The following NKAIN2 variants were observed in gnomAD, a reference collection of about 807,000 sequenced individuals.
The protein encoded by NKAIN2 is sodium/potassium transporting ATPase interacting 2.
In NKAIN2, 14 loss-of-function variants were observed where a neutral mutation model predicts 32.6. The observed-to-expected ratio is 0.43, with a 90% CI of 0.28 to 0.67. The LOEUF (loss-of-function observed/expected upper bound fraction) is 0.67, where lower values mean the gene tolerates loss of function less well. Ranked by LOEUF, NKAIN2 falls within the 30% of genes least tolerant of loss-of-function variation. The probability of loss-of-function intolerance (pLI) is 0.17; values close to 1 mark genes in which losing one functional copy is unlikely to be tolerated. For missense variants in NKAIN2, 198 were observed against 258.3 expected (o/e 0.77, Z 1.60); for synonymous variants, 80 against 87.2 (o/e 0.92, Z 0.46).
intron 1 of NKAIN2, among the ~76,000 whole-genome samples, chr6:124,090,862 G>C (rs758610141): frequency 1.3e-5 from 2 of 151,922 alleles, no homozygotes; most frequent in African/African-American, 4.8e-5. Flanking sequence ...CAATCCCATG[G>C]AGTTATTTGA....
At chr6:124,811,886 A>T (rs1236230565) in intron 5 of NKAIN2, among the ~76,000 whole-genome samples, 2 of 152,144 alleles carry the variant, frequency 1.3e-5, no homozygotes, top group African/African-American at 4.8e-5. Context: ...TAAAAAAAAA[A>T]TCCTGAGTTG....
chr6:124,307,273 T>G (rs983495082), intron 2 of NKAIN2, among the ~76,000 whole-genome samples: 1 of 152,200 alleles, frequency 6.6e-6, no homozygotes, highest in African/African-American at 2.4e-5. Flanking sequence ...ACTAGTAAAA[T>G]GTTCTGGCTA....
intron 4 of NKAIN2, among the ~76,000 whole-genome samples, chr6:124,661,995 A>T (rs1354364587): frequency 6.6e-6 from 1 of 152,206 alleles, no homozygotes; most frequent in Non-Finnish European, 1.5e-5. Context: ...AGAATAGGTT[A>T]AAAGCTCTTC....
intron 1 of NKAIN2, among the ~76,000 whole-genome samples, chr6:124,245,528 A>G (rs935181902): frequency 3.9e-5 from 6 of 152,094 alleles, no homozygotes; most frequent in Non-Finnish European, 1.5e-5. Flanking sequence ...AATGTTGATT[A>G]CTCTTCAGCT....
intron 6 of NKAIN2, among the ~76,000 whole-genome samples, chr6:124,818,752 G>A (rs978853616): frequency 6.6e-6 from 1 of 151,862 alleles, no homozygotes; most frequent in African/African-American, 2.4e-5. Context: ...TCTTTGAGTT[G>A]CCAAAAAGTT....
intron 4 of NKAIN2, among the ~76,000 whole-genome samples, chr6:124,671,917 C>G (rs1254691659): frequency 6.6e-6 from 1 of 151,778 alleles, no homozygotes; most frequent in Non-Finnish European, 1.5e-5. Context: ...TGAGGTCATT[C>G]TAAGTACAGA....
At chr6:124,633,041 G>A (rs1201451111) in intron 3 of NKAIN2, among the ~76,000 whole-genome samples, 1 of 152,092 alleles carries the variant, frequency 6.6e-6, no homozygotes, top group Non-Finnish European at 1.5e-5. Flanking sequence ...TGTGAATTAT[G>A]TGCCCACCAT....
At chr6:124,594,139 A>G (rs1782003152) in intron 3 of NKAIN2, among the ~76,000 whole-genome samples, 1 of 152,256 alleles carries the variant, frequency 6.6e-6, no homozygotes, top group African/African-American at 2.4e-5. Flanking sequence ...ACATCCATTT[A>G]GAGATACAGA....
At chr6:124,463,341 G>A (rs1323582025) in intron 3 of NKAIN2, among the ~76,000 whole-genome samples, 3 of 152,000 alleles carry the variant, frequency 2.0e-5, no homozygotes, top group Non-Finnish European at 4.4e-5. Flanking sequence ...ACATATGCAC[G>A]TTTTACTGTA....
chr6:124,613,692 A>G (rs1273524062), intron 3 of NKAIN2, among the ~76,000 whole-genome samples: 2 of 152,180 alleles, frequency 1.3e-5, no homozygotes, highest in Non-Finnish European at 2.9e-5. Flanking sequence ...AGCGCTACCT[A>G]GTGAGTTCTT....
chr6:123,950,441 G>A (rs564993045), intron 1 of NKAIN2, among the ~76,000 whole-genome samples: 1 of 152,002 alleles, frequency 6.6e-6, no homozygotes, highest in Admixed American at 6.6e-5. Flanking sequence ...ACTTTTATTT[G>A]TGGGAAGTTT....
rs1751262604 is a variant in NKAIN2 at position 124,824,271 on chromosome 6, TG to T, written c.*1043del. On this transcript the variant is annotated 3_prime_UTR_variant, in exon 7 of 7. Coordinates refer to ENST00000368417, the MANE Select transcript of NKAIN2 (RefSeq NM_001040214.3). ...AGGCCAACTGAATATGTATTAGCTA[TG>T]TTTACTCTTTTATATCTAATTCAAA... 6.6e-6 allele frequency: 1 copy of T among 152,668 alleles called. No individual in the cohort carries two copies. Among genetic ancestry groups the T allele is most frequent in the Non-Finnish European group, 1.5e-5 (1 of 68,032 alleles). The allele number at this position is 152,668 out of a possible 1,614,324, so 9.5% of individuals were successfully genotyped here.
chr6:123,888,369 C>A (rs993261705), intron 1 of NKAIN2, among the ~76,000 whole-genome samples: 1 of 152,030 alleles, frequency 6.6e-6, no homozygotes, highest in African/African-American at 2.4e-5. Flanking sequence ...TTTACTTGGG[C>A]CTCTTTTGAA....
At chr6:124,176,383 T>C (rs190923604) in intron 1 of NKAIN2, among the ~76,000 whole-genome samples, 1 of 152,296 alleles carries the variant, frequency 6.6e-6, no homozygotes, top group East Asian at 1.9e-4. Flanking sequence ...CTACTGGTTA[T>C]ATTTTGAATT....
intron 3 of NKAIN2, among the ~76,000 whole-genome samples, chr6:124,581,873 C>A (rs1382722230): frequency 6.6e-6 from 1 of 152,022 alleles, no homozygotes; most frequent in East Asian, 1.9e-4. Context: ...GAAAGCAGTA[C>A]TAAGAGGAAA....
At chr6:124,335,653 A>G (rs1797831724) in intron 2 of NKAIN2, among the ~76,000 whole-genome samples, 1 of 152,192 alleles carries the variant, frequency 6.6e-6, no homozygotes, top group Non-Finnish European at 1.5e-5. Flanking sequence ...AATGATAATT[A>G]TATAAATTTT....
chr6:123,831,370 A>G (rs1299434570), intron 1 of NKAIN2, among the ~76,000 whole-genome samples: 1 of 151,330 alleles, frequency 6.6e-6, no homozygotes, highest in Non-Finnish European at 1.5e-5. Flanking sequence ...TATAGCCATG[A>G]TTCTCAAAAG....
At chr6:123,873,661 G>A (rs1773020061) in intron 1 of NKAIN2, among the ~76,000 whole-genome samples, 1 of 152,150 alleles carries the variant, frequency 6.6e-6, no homozygotes, top group African/African-American at 2.4e-5. Flanking sequence ...ATTATGTGGA[G>A]GTAGAATTGA....
intron 1 of NKAIN2, among the ~76,000 whole-genome samples, chr6:124,005,834 C>T (rs1780053031): frequency 6.6e-6 from 1 of 152,060 alleles, no homozygotes; most frequent in South Asian, 2.1e-4. Context: ...CCATCTGAAC[C>T]ACTTGGTCAA....
Sources: allele counts gnomAD v4.1 joint callset (sites outside exome capture counted in the v4.1 genomes callset), GRCh38; gene constraint gnomAD v4.1.1; transcripts MANE v1.5; gene names NCBI Gene and HGNC (gene_info 2026-07-23, HGNC 2026-07-21).